VWA3A: variants seen among roughly 807,000 people sequenced by gnomAD.
VWA3A encodes von Willebrand factor A domain containing 3A.
VWA3A carries 134 observed loss-of-function variants against 160.4 expected under a neutral mutation model. The observed-to-expected ratio is 0.84, with a 90% confidence interval of 0.73 to 0.96. The LOEUF is 0.96. Among genes scored for constraint, VWA3A ranks in the 40% least tolerant of loss-of-function variants. The pLI, the probability that VWA3A is intolerant of heterozygous loss-of-function variation, is 0.00. For missense variants in VWA3A, 1,310 were observed against 1,447.9 expected, an observed-to-expected ratio of 0.90 and a Z score of 1.55; for synonymous variants, 476 against 543.4, an observed-to-expected ratio of 0.88 and a Z score of 1.72.
intron 11 of VWA3A, among the ~76,000 whole-genome samples, chr16:22,118,272 C>A (rs1332266406): frequency 6.6e-6 from 1 of 152,028 alleles, no homozygotes; most frequent in African/African-American, 2.4e-5. Context: ...CAGAGCAAGA[C>A]CCTTTCTCTA....
intron 17 of VWA3A, among the ~76,000 whole-genome samples, 169 bp from the exon 18 acceptor site, chr16:22,131,036 C>T (rs1235590433): frequency 6.6e-6 from 1 of 152,176 alleles, no homozygotes; most frequent in African/African-American, 2.4e-5. Context: ...TATGTTGGGA[C>T]ATATGACCCA....
At position 22,132,908 on chromosome 16, in the gene VWA3A, C is replaced by T. The variant is rs774766766; in HGVS notation, c.1881C>T (p.Leu627=). 24 of 1,613,174 alleles carry T rather than the reference C, an allele frequency of 1.5e-5. No homozygotes were observed. The East Asian group carries it at 1.6e-4, about 10-fold the overall frequency. The change falls in exon 20 of 34, where the codon CTC becomes CTT. Residue 627 remains leucine, a synonymous_variant. Transcript: ENST00000389398. ...GGIPDQDMPT[L]SAYMAEACGG... ...CTTCTCTTCCCCACCAGCCTACACT[C>T]AGTGCCTACATGGCTGAGGCCTGTG... is the stretch of plus-strand genomic sequence containing the variant.
At position 22,156,272 on chromosome 16, in the gene VWA3A, C is replaced by G; in HGVS notation, c.*255C>G. 4.4e-6 allele frequency: 1 copy of G among 227,738 alleles called. No homozygotes were observed. 14.1% of individuals were successfully genotyped at this position (227,738 alleles called of 1,614,324 possible). The stretch of plus-strand genomic sequence containing the variant: ...CTAGATTGTCCCTCTCTGGGAAGCC[C>G]TAAACCAACCCCCTGCCTAAATGGT... On this transcript the variant is annotated 3_prime_UTR_variant, in exon 34 of 34. Coordinates refer to ENST00000389398, the MANE Select transcript of VWA3A (RefSeq NM_173615.5).
rs6497574 is a variant in VWA3A, at chr16:22,150,619, T to C, written c.3130-76T>C. On this transcript the variant is annotated intron_variant, in intron 29 of 33. Coordinates refer to ENST00000389398, the MANE Select transcript of VWA3A (RefSeq NM_173615.5). ...TTTTGGCAGAGGCGGCAGCAGGCAC[T>C]ACCTTTAGGCATTTGGTTCTTGTGT... is the stretch of plus-strand genomic sequence containing the variant. 17,864 of 1,492,238 alleles carry C rather than the reference T, an allele frequency of 0.012. 1,831 individuals carry two copies. The African/African-American group carries it at 0.22, about 18-fold the overall frequency. The allele number at this position is 1,492,238 out of a possible 1,614,324, so 92.4% of individuals were successfully genotyped here.
chr16:22,116,490 G>A, intron 9 of VWA3A: 1 of 537,164 alleles, frequency 1.9e-6, no homozygotes, highest in South Asian at 1.9e-5. Context: ...AAAAGAAAGA[G>A]AAGGAAAGAG....
chr16:22,107,180 AT>A (rs2045494141), intron 6 of VWA3A, among the ~76,000 whole-genome samples: 1 of 152,196 alleles, frequency 6.6e-6, no homozygotes. Flanking sequence ...TTAGAGAGTG[AT>A]CAAAGAACAG....
chr16:22,132,275 C>T (rs1056534930), intron 19 of VWA3A, among the ~76,000 whole-genome samples: 3 of 151,248 alleles, frequency 2.0e-5, no homozygotes, highest in Admixed American at 6.6e-5. Flanking sequence ...CCCAGCTACT[C>T]GGGAGGCTGA....
intron 9 of VWA3A, chr16:22,116,236 G>A (rs776757413): frequency 1.6e-5 from 6 of 374,614 alleles, no homozygotes; most frequent in Non-Finnish European, 2.5e-5. Flanking sequence ...GAAAGAGAAA[G>A]GAAAGAAGGA....
chr16:22,139,096 C>T lies in VWA3A; in HGVS notation c.2292+584C>T, dbSNP rs2046097540. The stretch of plus-strand genomic sequence containing the variant: ...GTCCCTCAGCATTGCATGACTCAGA[C>T]CCTGTGAGCACAGCCCATGTTCAGA... On this transcript the variant is annotated intron_variant, in intron 22 of 33. Coordinates refer to ENST00000389398, the MANE Select transcript of VWA3A (RefSeq NM_173615.5). 3.9e-5 allele frequency among the ~76,000 whole-genome samples: 6 copies of T among 152,136 alleles called. No homozygotes were observed. In the South Asian group the frequency reaches 1.2e-3, roughly 31 times the overall value.
intron 7 of VWA3A, among the ~76,000 whole-genome samples, chr16:22,110,251 A>T (rs2045534501): frequency 6.6e-6 from 1 of 152,210 alleles, no homozygotes. Flanking sequence ...TGGCCTAGAG[A>T]AAAAGCCTCT....
chr16:22,145,193 G>A (rs2046226149), intron 26 of VWA3A, among the ~76,000 whole-genome samples: 1 of 152,088 alleles, frequency 6.6e-6, no homozygotes, highest in Non-Finnish European at 1.5e-5. Context: ...GTCAAGATTA[G>A]GGGAAACTAA....
intron 26 of VWA3A, among the ~76,000 whole-genome samples, chr16:22,145,570 C>T (rs1366523031): frequency 1.3e-5 from 2 of 150,260 alleles, no homozygotes; most frequent in African/African-American, 4.9e-5. Context: ...ACCCGGGAGG[C>T]AGAGGCTGAA....
intron 30 of VWA3A, among the ~76,000 whole-genome samples, chr16:22,151,976 A>C (rs952049772): frequency 6.6e-6 from 1 of 152,166 alleles, no homozygotes. Context: ...TGGGAGGCCA[A>C]GGCAGGCAGA....
At chr16:22,137,095 ATAAATAAG>A (rs1248916229) in intron 21 of VWA3A, among the ~76,000 whole-genome samples, 141 of 147,676 alleles carry the variant, frequency 9.5e-4, no homozygotes, top group African/African-American at 3.6e-3. Context: ...AAATAAATAA[ATAAATAAG>A]TAAGTAAATA....
rs547813210 is a variant in VWA3A, at chr16:22,118,981, T to G, written c.1070T>G (p.Leu357Arg). Reference sequence around the variant, plus strand: ...AGCCTCCTCAGCCACGTGCAAGCCCTGCAGCACAGCAGCCCCTGTGAGGCG... The same window carrying G: ...AGCCTCCTCAGCCACGTGCAAGCCCGGCAGCACAGCAGCCCCTGTGAGGCG... ...AQSLLSHVQA[L>R]QHSSPCEALT... The change falls in exon 12 of 34, where the codon CTG becomes CGG. Residue 357 changes from leucine to arginine, a missense_variant. By Grantham distance (102) the Leu-to-Arg change is moderately radical (BLOSUM62 -2). Transcript: ENST00000389398. 2 of 1,613,854 alleles carry G rather than the reference T, an allele frequency of 1.2e-6. No individual in the cohort carries two copies. The highest frequency in any genetic ancestry group is 1.7e-6 in the Non-Finnish European group (2 of 1,179,828).
intron 31 of VWA3A, among the ~76,000 whole-genome samples, chr16:22,154,007 G>A (rs2046392996): frequency 6.6e-6 from 1 of 152,102 alleles, no homozygotes; most frequent in Admixed American, 6.6e-5. Flanking sequence ...CCAAAGTGTT[G>A]GGATTACAGG....
At chr16:22,134,962 TC>T (rs1297777726) in intron 21 of VWA3A, among the ~76,000 whole-genome samples, 1 of 152,182 alleles carries the variant, frequency 6.6e-6, no homozygotes, top group African/African-American at 2.4e-5. Context: ...CCACCTGTAA[TC>T]CCAGCACTTT....
At chr16:22,133,178 A>G (rs1382567827) in intron 20 of VWA3A, 83 bp downstream of exon 20, 1 of 1,419,264 alleles carries the variant, frequency 7.0e-7, no homozygotes. Context: ...CCACAGATGT[A>G]TTCCAGAAAA....
intron 3 of VWA3A, among the ~76,000 whole-genome samples, chr16:22,098,475 T>C (rs1462134206): frequency 1.3e-5 from 2 of 152,176 alleles, no homozygotes; most frequent in African/African-American, 4.8e-5. Flanking sequence ...TTCCTCTAAT[T>C]TTATATGAAA....
Sources: allele counts gnomAD v4.1 joint callset (sites outside exome capture counted in the v4.1 genomes callset), GRCh38; gene constraint gnomAD v4.1.1; transcripts MANE v1.5; gene names NCBI Gene and HGNC (gene_info 2026-07-23, HGNC 2026-07-21).